Variants in KCNK13 observed in about 807,000 individuals in gnomAD.
KCNK13 encodes potassium two pore domain channel subfamily K member 13, also known as potassium channel subfamily K member 13.
KCNK13 carries 12 observed loss-of-function variants against 23.4 expected under a neutral mutation model. The ratio of observed to expected loss-of-function variants is 0.51; its 90% CI spans 0.33 to 0.83. KCNK13 has a LOEUF of 0.83. Ranked by LOEUF, KCNK13 falls within the 40% of genes least tolerant of loss-of-function variation. KCNK13 has a pLI of 0.02. For missense variants in KCNK13, 463 were observed against 556.3 expected, an observed-to-expected ratio of 0.83 and a Z score of 1.69; for synonymous variants, 231 against 229.5, an observed-to-expected ratio of 1.01 and a Z score of -0.06.
chr14:90,088,127 C>T (rs1045066519), intron 1 of KCNK13, among the ~76,000 whole-genome samples: 4 of 152,220 alleles, frequency 2.6e-5, no homozygotes, highest in Admixed American at 1.3e-4. Flanking sequence ...CTCAGCCTCC[C>T]GGGTAACTGG....
At chr14:90,155,677 G>A (rs2095312) in intron 1 of KCNK13, among the ~76,000 whole-genome samples, 151,227 of 152,330 alleles carry the variant, frequency 0.99, 75,078 homozygotes, top group East Asian at 1. Context: ...TGTGTCAGAG[G>A]AAGAGTACAA....
intron 1 of KCNK13, among the ~76,000 whole-genome samples, chr14:90,176,326 T>C (rs1346678152): frequency 6.6e-6 from 1 of 152,122 alleles, no homozygotes; most frequent in Non-Finnish European, 1.5e-5. Context: ...TTGAGAGTTG[T>C]GGTTTCATAA....
At chr14:90,106,644 A>G (rs553523210) in intron 1 of KCNK13, among the ~76,000 whole-genome samples, 2 of 152,322 alleles carry the variant, frequency 1.3e-5, no homozygotes, top group East Asian at 3.9e-4. Flanking sequence ...GAAATTTTAT[A>G]GATAAAATAA....
chr14:90,107,808 T>G, intron 1 of KCNK13: 1 of 870,334 alleles, frequency 1.1e-6, no homozygotes, highest in Non-Finnish European at 2.0e-6. Flanking sequence ...CTTCTGGAAT[T>G]TGTCGAGATC....
intron 1 of KCNK13, among the ~76,000 whole-genome samples, chr14:90,081,121 T>A (rs1889204305): frequency 2.0e-5 from 3 of 152,226 alleles, no homozygotes. Flanking sequence ...CAAAGAGGAA[T>A]AAGTCCAGGT....
intron 1 of KCNK13, among the ~76,000 whole-genome samples, chr14:90,146,086 ATT>A (rs1297200474): frequency 1.3e-5 from 2 of 152,100 alleles, no homozygotes; most frequent in African/African-American, 4.8e-5. Context: ...ATAATTGCAA[ATT>A]TGTCTATTTC....
At chr14:90,066,229 G>A (rs545081611) in intron 1 of KCNK13, among the ~76,000 whole-genome samples, 2 of 151,394 alleles carry the variant, frequency 1.3e-5, no homozygotes, top group East Asian at 3.9e-4. Context: ...TCCTGTCTCA[G>A]CCTCCCAAAG....
In KCNK13 at chr14:90,092,068, C is replaced by T. The variant is rs935083687; in HGVS notation, c.334+29529C>T. 6.6e-5 allele frequency among the ~76,000 whole-genome samples: 10 copies of T among 151,880 alleles called. No individual in the cohort carries two copies. The South Asian group carries it at 1.0e-3, about 16-fold the overall frequency. ...TCCCGAGTAGCTGGGACTACAGGTG[C>T]CCGCCACCACACCTGGCTAATTTTT... On this transcript the variant is annotated intron_variant, in intron 1 of 1. Coordinates refer to ENST00000282146, the MANE Select transcript of KCNK13 (RefSeq NM_022054.4).
chr14:90,111,544 G>T (rs1287910851), intron 1 of KCNK13, among the ~76,000 whole-genome samples: 1 of 152,124 alleles, frequency 6.6e-6, no homozygotes. Context: ...GGCAGTGGGA[G>T]AGGACAGTAT....
chr14:90,062,312 C>CCGT lies in KCNK13; in HGVS notation c.109_111dup (p.Val37dup). The CCGT allele has an allele frequency of 6.4e-7, 1 of 1,555,278 alleles. No individual in the cohort carries two copies. Among genetic ancestry groups the CCGT allele is most frequent in the Non-Finnish European group, 8.6e-7 (1 of 1,157,710 alleles). On this transcript the variant is annotated inframe_insertion, in exon 1 of 2. Transcript: ENST00000282146. The surrounding 1 kb of genome is among the most constrained non-coding windows in gnomAD (Gnocchi z 4.5). ...GTGCTCTACCTGCTGGGCGGCGCCG[C>CCGT]CGTCTTCTCCGCGCTGGAGCTGGCG...
At chr14:90,169,041 C>A (rs1315565825) in intron 1 of KCNK13, among the ~76,000 whole-genome samples, 1 of 152,202 alleles carries the variant, frequency 6.6e-6, no homozygotes, top group Non-Finnish European at 1.5e-5. Context: ...AATTAAATTT[C>A]TTTCCTTTAT....
intron 1 of KCNK13, among the ~76,000 whole-genome samples, chr14:90,119,858 G>T (rs147956335): frequency 1.1e-4 from 17 of 152,268 alleles, no homozygotes; most frequent in African/African-American, 3.8e-4. Context: ...CCTTGGCATC[G>T]CAGAGTGCTG....
intron 1 of KCNK13, among the ~76,000 whole-genome samples, chr14:90,113,889 C>A (rs567527335): frequency 2.0e-5 from 3 of 151,762 alleles, no homozygotes; most frequent in Admixed American, 6.6e-5. Context: ...GCCAAGATTG[C>A]GCCACTGAAC....
intron 1 of KCNK13, among the ~76,000 whole-genome samples, chr14:90,148,117 C>G (rs950037670): frequency 6.6e-6 from 1 of 152,122 alleles, no homozygotes; most frequent in Non-Finnish European, 1.5e-5. Flanking sequence ...AAGCTGAGAG[C>G]ACAGCACTGC....
Position 90,116,326 on chromosome 14 carries a change from A to G in KCNK13, c.334+53787A>G, listed in dbSNP as rs141085768. ...TCACTAAGTCACCAAGTATTTGGCA[A>G]TTTGCTCATAAATATTCTCGGCATT... On this transcript the variant is annotated intron_variant, in intron 1 of 1. Coordinates refer to ENST00000282146, the MANE Select transcript of KCNK13 (RefSeq NM_022054.4). 1.9e-3 allele frequency among the ~76,000 whole-genome samples: 285 copies of G among 152,224 alleles called. 1 individual carries two copies. The highest frequency in any genetic ancestry group is 6.6e-3 in the African/African-American group (276 of 41,546).
At position 90,183,992 on chromosome 14, in the gene KCNK13, A is replaced by G. The variant is rs982506290; in HGVS notation, c.335-119A>G. ...TCTCCTGCTCATTCCTAGAAAGACT[A>G]AGGCTGAGTGATTTTATGAAACTCT... On this transcript the variant is annotated intron_variant, in intron 1 of 1. Transcript: ENST00000282146. 40 of 878,412 alleles carry G rather than the reference A, an allele frequency of 4.6e-5. No individual in the cohort carries two copies. The East Asian group carries it at 5.2e-4, about 11-fold the overall frequency. The allele number at this position is 878,412 out of a possible 1,614,324, so 54.4% of individuals were successfully genotyped here.
At position 90,143,171 on chromosome 14, in the gene KCNK13, C is replaced by CTTTCTTTCTTTCT. The variant is rs1555352138; in HGVS notation, c.335-40933_335-40932insCTTTCTTTTCTTT. Among the ~76,000 whole-genome samples, 1,231 of 123,822 alleles carry CTTTCTTTCTTTCT rather than the reference C, an allele frequency of 9.9e-3. 12 individuals carry two copies. The highest frequency in any genetic ancestry group is 0.019 in the South Asian group (59 of 3,078). The allele number at this position is 123,822 out of a possible 152,430, so 81.2% of individuals were successfully genotyped here. ...ACTTTCTTTCTTTCTTTCTTTCTTTCTTTCTTTTCTTTTCTTTTCTTTCTT... is the reference window on the plus strand; with the variant it reads ...ACTTTCTTTCTTTCTTTCTTTCTTTCTTTCTTTCTTTCTTTTCTTTTCTTTTCTTTTCTTTCTT... On this transcript the variant is annotated intron_variant, in intron 1 of 1. Coordinates refer to ENST00000282146, the MANE Select transcript of KCNK13 (RefSeq NM_022054.4).
chr14:90,181,485 C>T (rs1890485295), intron 1 of KCNK13, among the ~76,000 whole-genome samples: 1 of 152,142 alleles, frequency 6.6e-6, no homozygotes, highest in Admixed American at 6.5e-5. Context: ...CCACACTCAC[C>T]TCTCGCAAAG....
chr14:90,172,361 G>C (rs545565890), intron 1 of KCNK13, among the ~76,000 whole-genome samples: 1 of 150,798 alleles, frequency 6.6e-6, no homozygotes, highest in South Asian at 2.1e-4. Flanking sequence ...AAAGGATTTT[G>C]AGTCACCAGC....
Sources: gnomAD v4.1 joint callset for allele counts (sites outside exome capture counted in the v4.1 genomes callset) on GRCh38, gnomAD v4.1.1 for gene constraint, Gnocchi (gnomAD v3.1) non-coding constraint, MANE v1.5 for transcripts, NCBI Gene and HGNC (gene_info 2026-07-23, HGNC 2026-07-21) for gene names.